Variants in MIP observed in about 807,000 individuals in gnomAD.
The protein encoded by MIP is major intrinsic protein of lens fiber, also known as lens fiber major intrinsic protein.
Under a neutral mutation model 21.8 loss-of-function variants are expected in MIP, and 14 were observed. That is an observed-to-expected ratio of 0.64 (90% CI 0.42 to 1.00). The LOEUF (loss-of-function observed/expected upper bound fraction) is 1.00. Ranked by LOEUF, MIP falls within the 50% of genes least tolerant of loss-of-function variation. The pLI is 0.00. For synonymous variants in MIP, 133 were observed against 141.4 expected (o/e 0.94, Z 0.42); for missense variants, 260 against 333.5 (o/e 0.78, Z 1.72).
At chr12:56,454,161 C>G (rs1868716840) in intron 1 of MIP, 93 bp downstream of exon 1, 2 of 1,551,352 alleles carry the variant, frequency 1.3e-6, no homozygotes, top group South Asian at 2.3e-5. Context: ...GTCCCAGACC[C>G]CAGGGGAGCT....
At chr12:56,454,781 A>C (rs1417744987), upstream of MIP, 9 of 739,712 alleles carry the variant, frequency 1.2e-5, no homozygotes, top group Non-Finnish European at 1.7e-5. Flanking sequence ...CCCCTCCCCT[A>C]CATGGTAAAA....
Position 56,449,899 on chromosome 12 carries a change from T to C in MIP, c.*1381A>G, listed in dbSNP as rs1868527558. 6.6e-6 allele frequency: 1 copy of C among 152,188 alleles called. No homozygotes were observed. The highest frequency in any genetic ancestry group is 6.6e-5 in the Admixed American group (1 of 15,260). 9.4% of individuals were successfully genotyped at this position (152,188 alleles called of 1,614,324 possible). A position where few individuals can be genotyped will look rare whatever the true frequency, so the allele number is the denominator to read the frequency against. On this transcript the variant is annotated 3_prime_UTR_variant, in exon 4 of 4. Coordinates refer to ENST00000652304, the MANE Select transcript of MIP (RefSeq NM_012064.4). Reference sequence around the variant, plus strand: ...AGGAAAAGAAAATAGGGCTGTGCTCTGGCCCCCTGTAATCCCAGCTACTGG... The same window carrying C: ...AGGAAAAGAAAATAGGGCTGTGCTCCGGCCCCCTGTAATCCCAGCTACTGG...
chr12:56,453,744 C>T lies in MIP; in HGVS notation c.372G>A (p.Ala124=), dbSNP rs141768870. The T allele has an allele frequency of 1.3e-4, 211 of 1,613,518 alleles. No individual in the cohort carries two copies. The highest frequency in any genetic ancestry group is 3.3e-4 in the Middle Eastern group (2 of 6,084). The stretch of plus-strand genomic sequence containing the variant: ...CTGTGGTTGCCTGGCCCACGCTCAC[C>T]GCAGGGTGCAACTGTGCAAAGGAAG... ...GNLALNTLHP[A]VSVGQATTVE... Residue 124 remains alanine, a synonymous_variant, in exon 2 of 4, where the codon GCG becomes GCA. Transcript: ENST00000652304.
At chr12:56,451,587 C>T in intron 3 of MIP, 122 bp from the exon 4 acceptor site, 2 of 761,938 alleles carry the variant, frequency 2.6e-6, no homozygotes, top group East Asian at 2.5e-5. Flanking sequence ...AATAAACTCA[C>T]CATTTATTTT....
intron 3 of MIP, among the ~76,000 whole-genome samples, chr12:56,452,065 T>G (rs2136165207): frequency 6.6e-6 from 1 of 152,232 alleles, no homozygotes; most frequent in East Asian, 1.9e-4. Context: ...AAAATATATA[T>G]ATGTTTTTAA....
rs1868517048 is a variant in MIP at position 56,449,625 on chromosome 12, T to G, written c.*1655A>C. ...AATTTACAAACATTCTTCCCCTTCT[T>G]CTAGTCAAGCGGACTATTCCAAGTC... On this transcript the variant is annotated 3_prime_UTR_variant, in exon 4 of 4. Coordinates refer to ENST00000652304, the MANE Select transcript of MIP (RefSeq NM_012064.4). 1 of 152,216 alleles carries G rather than the reference T, an allele frequency of 6.6e-6. No homozygotes were observed. The highest frequency in any genetic ancestry group is 2.1e-4 in the South Asian group (1 of 4,836). 9.4% of individuals were successfully genotyped at this position (152,216 alleles called of 1,614,324 possible). A position where few individuals can be genotyped will look rare whatever the true frequency, so the allele number is the denominator to read the frequency against.
At chr12:56,452,068 G>A (rs1050011701) in intron 3 of MIP, among the ~76,000 whole-genome samples, 1 of 152,098 alleles carries the variant, frequency 6.6e-6, no homozygotes, top group Non-Finnish European at 1.5e-5. Flanking sequence ...ATATATATAT[G>A]TTTTTAAGTG....
chr12:56,454,935 G>A (rs1220437879), upstream of MIP, among the ~76,000 whole-genome samples: 2 of 152,152 alleles, frequency 1.3e-5, no homozygotes, highest in Non-Finnish European at 2.9e-5. Flanking sequence ...CCTTCTGTGT[G>A]TGTCAAAATT....
chr12:56,452,092 T>G (rs1190057009), intron 3 of MIP, among the ~76,000 whole-genome samples: 1 of 152,164 alleles, frequency 6.6e-6, no homozygotes, highest in Admixed American at 6.5e-5. Flanking sequence ...AGTTTAGTAG[T>G]GTTAAGTATA....
intron 3 of MIP, among the ~76,000 whole-genome samples, chr12:56,452,345 G>T (rs1868647197): frequency 6.6e-6 from 1 of 152,104 alleles, no homozygotes; most frequent in African/African-American, 2.4e-5. Flanking sequence ...CCATGTTGTG[G>T]TATGTGTCAC....
At position 56,453,666 on chromosome 12, in the gene MIP, G is replaced by A. The variant is rs1245788095; in HGVS notation, c.450C>T (p.Asp150=). Residue 150 remains aspartate (D), a synonymous_variant, in exon 2 of 4, where the codon GAC becomes GAT. Coordinates refer to ENST00000652304, the MANE Select transcript of MIP (RefSeq NM_012064.4). ...AGCCCAGTTGGCCATTCCGCCTCTC[G>A]TCGTATGTGGCAAAGATGCAGAGCA... The part of the protein sequence containing the change: ...QFVLCIFATY[D]ERRNGQLGSV... The A allele has an allele frequency of 3.7e-6, 6 of 1,614,096 alleles. No homozygotes were observed. Among genetic ancestry groups the A allele is most frequent in the African/African-American group, 2.7e-5 (2 of 74,944 alleles).
intron 1 of MIP, 33 bp from the exon 2 acceptor site, chr12:56,453,788 G>C: frequency 6.2e-7 from 1 of 1,602,006 alleles, no homozygotes; most frequent in Non-Finnish European, 8.5e-7. Flanking sequence ...AGACAGCTCA[G>C]GAGGGCTGCC....
chr12:56,450,984 C>A lies in MIP; in HGVS notation c.*296G>T. On this transcript the variant is annotated 3_prime_UTR_variant, in exon 4 of 4. Transcript: ENST00000652304. ...ATGGCACCTCTTTTTGCTTCCTTAG[C>A]TCTCATGCCCCAAAACTCAGACACA... The A allele has an allele frequency of 4.8e-6, 2 of 418,426 alleles. No homozygotes were observed. Among genetic ancestry groups the A allele is most frequent in the Non-Finnish European group, 8.8e-6 (2 of 227,082 alleles). The allele number at this position is 418,426 out of a possible 1,614,324, so 25.9% of individuals were successfully genotyped here.
intron 3 of MIP, chr12:56,452,811 C>T: frequency 1.9e-6 from 1 of 523,192 alleles, no homozygotes; most frequent in Non-Finnish European, 3.5e-6. Flanking sequence ...CTCTTCATAC[C>T]CGCTAGTTCA....
Position 56,451,331 on chromosome 12 carries a change from T to C in MIP, c.741A>G (p.Gly247=). The C allele has an allele frequency of 6.2e-7, 1 of 1,614,028 alleles. No homozygotes were observed. Among genetic ancestry groups the C allele is most frequent in the Non-Finnish European group, 8.5e-7 (1 of 1,180,028 alleles). Residue 247 remains glycine, a synonymous_variant, in exon 4 of 4, where the codon GGA becomes GGG. Transcript: ENST00000652304. ...LKGAKPDVSN[G]QPEVTGEPVE... ...CAGGTTCCCCTGTGACCTCTGGTTG[T>C]CCATTGGAGACATCGGGTTTGGCAC...
At chr12:56,453,267 A>C in intron 2 of MIP, 115 bp from the exon 3 acceptor site, 1 of 828,398 alleles carries the variant, frequency 1.2e-6, no homozygotes, top group South Asian at 1.4e-5. Flanking sequence ...CAGCAAGTGG[A>C]GAGGGACAGC....
chr12:56,451,117 T>C lies in MIP; in HGVS notation c.*163A>G, dbSNP rs1232128066. 1.6e-6 allele frequency: 1 copy of C among 638,600 alleles called. No individual in the cohort carries two copies. The highest frequency in any genetic ancestry group is 2.6e-6 in the Non-Finnish European group (1 of 378,580). 39.6% of individuals were successfully genotyped at this position (638,600 alleles called of 1,614,324 possible). ...GCTCATGAATGCAACTTGAAAGATT[T>C]CACACAGCAAAAGGAAAAAAAAAAA... On this transcript the variant is annotated 3_prime_UTR_variant, in exon 4 of 4. Transcript: ENST00000652304.
At position 56,451,131 on chromosome 12, in the gene MIP, G is replaced by GAA. The variant is rs35639464; in HGVS notation, c.*147_*148dup. ...CTTGAAAGATTTCACACAGCAAAAG[G>GAA]AAAAAAAAAAAAAAAACAACCACAT... On this transcript the variant is annotated 3_prime_UTR_variant, in exon 4 of 4. Transcript: ENST00000652304. 3,776 of 560,376 alleles carry GAA rather than the reference G, an allele frequency of 6.7e-3. No individual in the cohort carries two copies. Among genetic ancestry groups the GAA allele is most frequent in the Admixed American group, 0.013 (362 of 28,634 alleles). The allele number at this position is 560,376 out of a possible 1,614,324, so 34.7% of individuals were successfully genotyped here. A position where few individuals can be genotyped will look rare whatever the true frequency, so the allele number is the denominator to read the frequency against.
At chr12:56,455,485 A>T (rs943111638), upstream of MIP, among the ~76,000 whole-genome samples, 1 of 152,158 alleles carries the variant, frequency 6.6e-6, no homozygotes, top group Non-Finnish European at 1.5e-5. Context: ...TACTGAAAGG[A>T]AGGAAACAGT....
Sources: allele counts gnomAD v4.1 joint callset (sites outside exome capture counted in the v4.1 genomes callset), GRCh38; gene constraint gnomAD v4.1.1; transcripts MANE v1.5; gene names NCBI Gene and HGNC (gene_info 2026-07-23, HGNC 2026-07-21).